SMIM14: variants seen among roughly 807,000 people sequenced by gnomAD.
The protein encoded by SMIM14 is chromosome 4 open reading frame 34.
A neutral mutation model predicts 12.6 loss-of-function variants in SMIM14; 5 were observed. That is an observed-to-expected ratio of 0.40 (90% confidence interval 0.21 to 0.83). The LOEUF (loss-of-function observed/expected upper bound fraction) is 0.83, where lower values mean the gene tolerates loss of function less well. Among genes scored for constraint, SMIM14 ranks in the 40% least tolerant of loss-of-function variants. The probability of loss-of-function intolerance (pLI) is 0.37; values close to 1 mark genes in which losing one functional copy is unlikely to be tolerated. For synonymous variants in SMIM14, 30 were observed against 40.1 expected, an observed-to-expected ratio of 0.75 and a Z score of 0.95; for missense variants, 86 against 119.1, an observed-to-expected ratio of 0.72 and a Z score of 1.29.
At chr4:39,618,228 C>T (rs1715293859) in intron 1 of SMIM14, among the ~76,000 whole-genome samples, 2 of 152,140 alleles carry the variant, frequency 1.3e-5, no homozygotes, top group South Asian at 4.1e-4. Context: ...GGAGAACTTA[C>T]ACCATAAAGA....
intron 2 of SMIM14, among the ~76,000 whole-genome samples, chr4:39,592,463 C>A (rs1714154482): frequency 6.6e-6 from 1 of 152,040 alleles, no homozygotes; most frequent in African/African-American, 2.4e-5. Context: ...GAAGTTCCAA[C>A]TGCTGTTAGT....
chr4:39,581,396 G>C (rs1713483217), intron 2 of SMIM14, among the ~76,000 whole-genome samples: 1 of 151,922 alleles, frequency 6.6e-6, no homozygotes, highest in Non-Finnish European at 1.5e-5. Flanking sequence ...GTTTTTGCAG[G>C]CTACTTAATT....
chr4:39,596,688 T>A (rs916624432), intron 2 of SMIM14, among the ~76,000 whole-genome samples: 6 of 152,224 alleles, frequency 3.9e-5, no homozygotes, highest in African/African-American at 9.6e-5. Flanking sequence ...AACATTGTAC[T>A]GACTTCAGCA....
In SMIM14 at chr4:39,579,221, C is replaced by A. The variant is rs1713366120; in HGVS notation, c.76-6758G>T. Among the ~76,000 whole-genome samples, 3 of 151,380 alleles carry A rather than the reference C, an allele frequency of 2.0e-5. No individual in the cohort carries two copies. In the South Asian group the frequency reaches 6.3e-4, roughly 32 times the overall value. On this transcript the variant is annotated intron_variant, in intron 2 of 4. Transcript: ENST00000295958. ...CTCAGGAGTTTGAGAACAGCCTGGG[C>A]AACATGGAAAGACCCCATCTCTACA...
At chr4:39,574,260 T>C (rs942782358) in intron 2 of SMIM14, among the ~76,000 whole-genome samples, 15 of 151,206 alleles carry the variant, frequency 9.9e-5, no homozygotes, top group Non-Finnish European at 2.1e-4. Flanking sequence ...TTTTTTTTCT[T>C]TTCTCTTCTT....
chr4:39,619,756 A>C (rs1234164109), intron 1 of SMIM14, among the ~76,000 whole-genome samples: 1 of 128,064 alleles, frequency 7.8e-6, no homozygotes, highest in Non-Finnish European at 1.5e-5. Flanking sequence ...ATAATTTATT[A>C]TATATATATC....
At chr4:39,587,891 C>G (rs180814315) in intron 2 of SMIM14, 11 of 152,388 alleles carry the variant, frequency 7.2e-5, no homozygotes, top group African/African-American at 2.6e-4. Context: ...ACTTCTTACA[C>G]TAAGTTCTCT....
chr4:39,584,496 A>AAAAAAAAAAAAAAT (rs1713679710), intron 2 of SMIM14, among the ~76,000 whole-genome samples: 1 of 141,312 alleles, frequency 7.1e-6, no homozygotes, highest in Non-Finnish European at 1.6e-5. Context: ...AAAAAAAAAA[A>AAAAAAAAAAAAAAT]AAAAAAAAAG....
intron 2 of SMIM14, chr4:39,589,671 CA>C (rs1236424158): frequency 6.6e-6 from 1 of 152,142 alleles, no homozygotes; most frequent in East Asian, 1.9e-4. Context: ...AAGCCAGAAG[CA>C]AATTATTTCA....
At chr4:39,600,677 C>T (rs998976306) in intron 2 of SMIM14, among the ~76,000 whole-genome samples, 5 of 150,252 alleles carry the variant, frequency 3.3e-5, no homozygotes, top group Admixed American at 2.0e-4. Context: ...GCAACAAGAG[C>T]GAAACTCCAT....
intron 2 of SMIM14, among the ~76,000 whole-genome samples, chr4:39,600,286 G>GC (rs1366690225): frequency 1.3e-5 from 2 of 152,098 alleles, no homozygotes; most frequent in Non-Finnish European, 1.5e-5. Context: ...TGATCCACCT[G>GC]CCTCAGCCTC....
In SMIM14 at chr4:39,583,813, T is replaced by C. The variant is rs542518802; in HGVS notation, c.76-11350A>G. 4 of 152,288 alleles carry C rather than the reference T, an allele frequency of 2.6e-5. No homozygotes were observed. The South Asian group carries it at 8.3e-4, about 32-fold the overall frequency. 9.4% of individuals were successfully genotyped at this position (152,288 alleles called of 1,614,324 possible). ...TACCAATCAGTCACAAACTGATGCC[T>C]CCAAATAGCTCAAACTTATCTTTCA... On this transcript the variant is annotated intron_variant, in intron 2 of 4. Coordinates refer to ENST00000295958, the MANE Select transcript of SMIM14 (RefSeq NM_174921.3).
intron 2 of SMIM14, among the ~76,000 whole-genome samples, chr4:39,582,557 G>A (rs1369668823): frequency 6.6e-6 from 1 of 151,664 alleles, no homozygotes; most frequent in Non-Finnish European, 1.5e-5. Context: ...CCAGCTACTT[G>A]GGAGGCTGAG....
intron 2 of SMIM14, 100 bp downstream of exon 2, chr4:39,604,971 G>T: frequency 2.7e-6 from 2 of 744,670 alleles, no homozygotes; most frequent in South Asian, 3.3e-5. Context: ...ACTCTTTAGT[G>T]ACCATCAGAT....
chr4:39,565,553 A>G (rs190003351), intron 3 of SMIM14, among the ~76,000 whole-genome samples: 1 of 152,154 alleles, frequency 6.6e-6, no homozygotes, highest in Admixed American at 6.6e-5. Context: ...TGAACTCCTG[A>G]GCCCAAGTGA....
At chr4:39,593,459 C>A (rs1380487168) in intron 2 of SMIM14, 2 of 152,126 alleles carry the variant, frequency 1.3e-5, no homozygotes, top group Non-Finnish European at 2.9e-5. Flanking sequence ...ACTGAATGGG[C>A]AAAAACTGGA....
intron 1 of SMIM14, among the ~76,000 whole-genome samples, chr4:39,629,360 C>CA (rs11459763): frequency 0.31 from 25,172 of 80,240 alleles, 4,235 homozygotes; most frequent in Middle Eastern, 0.43. Context: ...GACTCTGTCT[C>CA]AAAAAAAAAA....
chr4:39,546,655 T>TAACA lies in SMIM14; in HGVS notation c.*5467_*5470dup, dbSNP rs1440991677. On this transcript the variant is annotated 3_prime_UTR_variant, in exon 5 of 5. Coordinates refer to ENST00000295958, the MANE Select transcript of SMIM14 (RefSeq NM_174921.3). Reference sequence around the variant, plus strand: ...GCAGCAGAGTCATTTAATGAAAACTTAACAGTTTCACTGAGGATTCAGATA... The same window carrying TAACA: ...GCAGCAGAGTCATTTAATGAAAACTTAACAAACAGTTTCACTGAGGATTCAGATA... 1 of 152,242 alleles carries TAACA rather than the reference T, an allele frequency of 6.6e-6. No homozygotes were observed. The highest frequency in any genetic ancestry group is 1.9e-4 in the East Asian group (1 of 5,208). The allele number at this position is 152,242 out of a possible 1,614,324, so 9.4% of individuals were successfully genotyped here.
intron 2 of SMIM14, among the ~76,000 whole-genome samples, chr4:39,591,137 A>C (rs1203181098): frequency 6.6e-6 from 1 of 152,110 alleles, no homozygotes; most frequent in Non-Finnish European, 1.5e-5. Context: ...TAGGTTACTT[A>C]TAATACTTAA....
Sources: gnomAD v4.1 joint callset for allele counts (sites outside exome capture counted in the v4.1 genomes callset) on GRCh38, gnomAD v4.1.1 for gene constraint, MANE v1.5 for transcripts, NCBI Gene and HGNC (gene_info 2026-07-23, HGNC 2026-07-21) for gene names.